The following IRX3 variants were observed in gnomAD, a reference collection of about 807,000 sequenced individuals.
IRX3 encodes the protein iroquois homeobox 3.
In IRX3, 20 loss-of-function variants were observed where a neutral mutation model predicts 36.4. The observed-to-expected ratio is 0.55, with a 90% confidence interval of 0.39 to 0.80. The LOEUF (loss-of-function observed/expected upper bound fraction) is 0.80. IRX3 is among the 30% of genes least tolerant of loss of function. The pLI is 0.00. For synonymous variants in IRX3, 404 were observed against 351.6 expected (o/e 1.15, Z -1.67); for missense variants, 718 against 733.2 (o/e 0.98, Z 0.24).
At position 54,284,996 on chromosome 16, in the gene IRX3, A is replaced by C. The variant is rs1901285324; in HGVS notation, c.885T>G (p.Asp295Glu). 2 of 1,613,526 alleles carry C rather than the reference A, an allele frequency of 1.2e-6. No individual in the cohort carries two copies. The highest frequency in any genetic ancestry group is 2.2e-5 in the East Asian group (1 of 44,814). ...GCCGGTCCTCTAAGCCCTCAGAGCTATCTTCCGAGTCGCTATTTTTGGAGT... is the reference window on the plus strand; with the variant it reads ...GCCGGTCCTCTAAGCCCTCAGAGCTCTCTTCCGAGTCGCTATTTTTGGAGT... ...ISDSKNSDSE[D>E]SSEGLEDRPL... Residue 295 changes from aspartate (D) to glutamate (E), a missense_variant, in exon 2 of 4, where the codon GAT becomes GAG. Asp to Glu is a conservative substitution (Grantham distance 45, BLOSUM62 2). This residue lies in a region of IRX3 where 468 missense variants were observed against 462.1 expected (regional missense o/e 1.01). Coordinates refer to ENST00000329734, the MANE Select transcript of IRX3 (RefSeq NM_024336.3). This position sits in a 1 kb window ranked among gnomAD's most constrained non-coding sequence, Gnocchi z 4.0.
chr16:54,285,239 G>C lies in IRX3; in HGVS notation c.642C>G (p.Asp214Glu). ...TGCCGTCCTCCTCGTCCTCCTCTTC[G>C]TCTTCCTCCTCGCGCTCGCTCCCAT... ...NAYGSEREEEDEEEDEEDGKR... is the reference protein window; with the variant it reads ...NAYGSEREEEEEEEDEEDGKR... Residue 214 changes from aspartate (D) to glutamate (E), a missense_variant, in exon 2 of 4, where the codon GAC becomes GAG. By Grantham distance (45) the Asp-to-Glu change is conservative. This residue lies in a region of IRX3 where 468 missense variants were observed against 462.1 expected (regional missense o/e 1.01). Transcript: ENST00000329734. The surrounding 1 kb of genome is among the most constrained non-coding windows in gnomAD (Gnocchi z 5.7). 6.2e-7 allele frequency: 1 copy of C among 1,611,624 alleles called. No individual in the cohort carries two copies. The highest frequency in any genetic ancestry group is 8.5e-7 in the Non-Finnish European group (1 of 1,179,398).
rs1901260532 is a variant in IRX3 at position 54,284,453 on chromosome 16, C to T, written c.1384+44G>A. ...CCCTCCCGGCCAGCTCCGGCACTAC[C>T]CGCAGAGCCCGCCCCCGCTCCGCGC... On this transcript the variant is annotated intron_variant, in intron 2 of 3. Coordinates refer to ENST00000329734, the MANE Select transcript of IRX3 (RefSeq NM_024336.3). The surrounding 1 kb of genome is among the most constrained non-coding windows in gnomAD (Gnocchi z 4.0). The T allele has an allele frequency of 2.9e-6, 4 of 1,396,444 alleles. No homozygotes were observed. The highest frequency in any genetic ancestry group is 1.8e-6 in the Non-Finnish European group (2 of 1,084,524). 86.5% of individuals were successfully genotyped at this position (1,396,444 alleles called of 1,614,324 possible).
In IRX3 at chr16:54,284,739, G is replaced by A. The variant is rs1301993155; in HGVS notation, c.1142C>T (p.Ser381Phe). 2.1e-6 allele frequency: 3 copies of A among 1,454,796 alleles called. No homozygotes were observed. The African/African-American group carries it at 4.5e-5, about 22-fold the overall frequency. The allele number at this position is 1,454,796 out of a possible 1,614,324, so 90.1% of individuals were successfully genotyped here. ...GGCGGCCGGAGAGAGCTGCAGGGCG[G>A]AAGGCGCGACCGCTGCCCCCGGTGG... Reference protein sequence around the residue: ...GSPPGAAVAPSALQLSPAAAA... With the variant: ...GSPPGAAVAPFALQLSPAAAA... The change falls in exon 2 of 4, where the codon TCC becomes TTC. Residue 381 changes from serine (S) to phenylalanine (F), a missense_variant. Ser to Phe is a radical substitution (Grantham distance 155). This residue lies in a region of IRX3 where 468 missense variants were observed against 462.1 expected (regional missense o/e 1.01). Coordinates refer to ENST00000329734, the MANE Select transcript of IRX3 (RefSeq NM_024336.3). This position sits in a 1 kb window ranked among gnomAD's most constrained non-coding sequence, Gnocchi z 4.0.
chr16:54,284,566 G>T lies in IRX3; in HGVS notation c.1315C>A (p.Pro439Thr). 7.1e-7 allele frequency: 1 copy of T among 1,415,888 alleles called. No homozygotes were observed. The highest frequency in any genetic ancestry group is 9.1e-7 in the Non-Finnish European group (1 of 1,096,368). The allele number at this position is 1,415,888 out of a possible 1,614,324, so 87.7% of individuals were successfully genotyped here. A position where few individuals can be genotyped will look rare whatever the true frequency, so the allele number is the denominator to read the frequency against. The change falls in exon 2 of 4, where the codon CCC becomes ACC. Residue 439 changes from proline (P) to threonine (T), a missense_variant. Physicochemically the swap from Pro to Thr is conservative, Grantham distance 38. Transcript: ENST00000329734. The surrounding 1 kb of genome is among the most constrained non-coding windows in gnomAD (Gnocchi z 4.0). ...GSAPPHLLGL[P>T]GAAGHPAAAA... ...GCAGCCGGGTGGCCCGCGGCTCCGG[G>T]AAGTCCCAGCAGGTGCGGAGGGGCA...
At position 54,284,023 on chromosome 16, in the gene IRX3, G is replaced by A. The variant is rs1391977060; in HGVS notation, c.1451+223C>T. 1.4e-6 allele frequency: 2 copies of A among 1,394,612 alleles called. No individual in the cohort carries two copies. The highest frequency in any genetic ancestry group is 1.9e-6 in the Non-Finnish European group (2 of 1,062,298). The allele number at this position is 1,394,612 out of a possible 1,614,324, so 86.4% of individuals were successfully genotyped here. On this transcript the variant is annotated intron_variant, in intron 3 of 3. Transcript: ENST00000329734. This position sits in a 1 kb window ranked among gnomAD's most constrained non-coding sequence, Gnocchi z 4.0. ...GCAAGGCTTCCCCTAGAAGGTACAA[G>A]CGCTGTACCCTCCGGCCGCGCCTGG...
chr16:54,284,159 G>T lies in IRX3; in HGVS notation c.1451+87C>A. 1.5e-6 allele frequency: 2 copies of T among 1,357,740 alleles called. No individual in the cohort carries two copies. 84.1% of individuals were successfully genotyped at this position (1,357,740 alleles called of 1,614,324 possible). On this transcript the variant is annotated intron_variant, in intron 3 of 3. Coordinates refer to ENST00000329734, the MANE Select transcript of IRX3 (RefSeq NM_024336.3). This position sits in a 1 kb window ranked among gnomAD's most constrained non-coding sequence, Gnocchi z 4.0. ...TCCCAGCAGGGTTCCCCCCTACCCC[G>T]GGGCAAAAGGCCGTGCGTGGTGCTC...
chr16:54,285,840 GGGC>G lies in IRX3; in HGVS notation c.208_210del (p.Ala70del), dbSNP rs749687288. ...TAGGGCAGGAAGGCGCCGTAGCCTTGGGCGGCGGCGGCCGCAGCGGCCGCGGCG... is the reference window on the plus strand; with the variant it reads ...TAGGGCAGGAAGGCGCCGTAGCCTTGGGCGGCGGCCGCAGCGGCCGCGGCG... On this transcript the variant is annotated inframe_deletion, in exon 1 of 4. Coordinates refer to ENST00000329734, the MANE Select transcript of IRX3 (RefSeq NM_024336.3). This position sits in a 1 kb window ranked among gnomAD's most constrained non-coding sequence, Gnocchi z 5.7. The G allele has an allele frequency of 5.7e-5, 89 of 1,555,340 alleles. No homozygotes were observed. Among genetic ancestry groups the G allele is most frequent in the Non-Finnish European group, 7.5e-5 (86 of 1,154,326 alleles).
chr16:54,284,072 G>C lies in IRX3; in HGVS notation c.1451+174C>G, dbSNP rs1901247036. The C allele has an allele frequency of 8.6e-7, 1 of 1,157,694 alleles. No homozygotes were observed. 71.7% of individuals were successfully genotyped at this position (1,157,694 alleles called of 1,614,324 possible). On this transcript the variant is annotated intron_variant, in intron 3 of 3. Coordinates refer to ENST00000329734, the MANE Select transcript of IRX3 (RefSeq NM_024336.3). This position sits in a 1 kb window ranked among gnomAD's most constrained non-coding sequence, Gnocchi z 4.0. ...GGGGTGCCTGGGCTGGACCTGGAGA[G>C]CTGTCGCAGGGCCGACAGGGGCGAC...
Position 54,283,757 on chromosome 16 carries a change from G to C in IRX3, c.1452-17C>G. 6.2e-7 allele frequency: 1 copy of C among 1,611,026 alleles called. No individual in the cohort carries two copies. The highest frequency in any genetic ancestry group is 2.2e-5 in the East Asian group (1 of 44,866). On this transcript the variant is annotated splice_polypyrimidine_tract_variant and intron_variant, in intron 3 of 3. Transcript: ENST00000329734. This position sits in a 1 kb window ranked among gnomAD's most constrained non-coding sequence, Gnocchi z 4.4. ...TTCTGGGGCCTGGAAGAGAGAGACA[G>C]TAGTAGCAAAAGAGGTGAGATTCAG... is the stretch of plus-strand genomic sequence containing the variant.
In IRX3 at chr16:54,286,575, C is replaced by T. The variant is rs1248733738; in HGVS notation, c.-525G>A. 6 of 167,488 alleles carry T rather than the reference C, an allele frequency of 3.6e-5. No homozygotes were observed. The highest frequency in any genetic ancestry group is 6.5e-5 in the Admixed American group (1 of 15,300). The allele number at this position is 167,488 out of a possible 1,614,324, so 10.4% of individuals were successfully genotyped here. ...CTATGAAACTCTCCTTTCTCCTCTC[C>T]CCTTCTCTTTCCCTTTCTCACGAGG... On this transcript the variant is annotated 5_prime_UTR_variant, in exon 1 of 4. Transcript: ENST00000329734.
In IRX3 at chr16:54,286,186, C is replaced by G. The variant is rs1901336339; in HGVS notation, c.-136G>C. 9.6e-7 allele frequency: 1 copy of G among 1,036,832 alleles called. No homozygotes were observed. The highest frequency in any genetic ancestry group is 4.7e-4 in the Middle Eastern group (1 of 2,146). The allele number at this position is 1,036,832 out of a possible 1,614,324, so 64.2% of individuals were successfully genotyped here. ...GCTGCCGCCCGCGCTGCGCTGTGCTCCGCGTTCGCCTATTGATCTGCTCCG... is the reference window on the plus strand; with the variant it reads ...GCTGCCGCCCGCGCTGCGCTGTGCTGCGCGTTCGCCTATTGATCTGCTCCG... On this transcript the variant is annotated 5_prime_UTR_variant, in exon 1 of 4. Coordinates refer to ENST00000329734, the MANE Select transcript of IRX3 (RefSeq NM_024336.3).
rs748254948 is a variant in IRX3, at chr16:54,285,116, A to G, written c.765T>C (p.Asp255=). 8.1e-6 allele frequency: 13 copies of G among 1,612,926 alleles called. No homozygotes were observed. Among genetic ancestry groups the G allele is most frequent in the Non-Finnish European group, 1.1e-5 (13 of 1,179,796 alleles). The change falls in exon 2 of 4, where the codon GAT becomes GAC. Residue 255 remains aspartate (D), a synonymous_variant. Coordinates refer to ENST00000329734, the MANE Select transcript of IRX3 (RefSeq NM_024336.3). The surrounding 1 kb of genome is among the most constrained non-coding windows in gnomAD (Gnocchi z 5.7). ...TGGCCGCGCCGTCTAAGTTCTCCAA[A>G]TCGATCTCCTCGTCCTCGTCGTCGT... ...LADDDEDEEI[D]LENLDGAATE... is the part of the protein sequence containing the mutation.
Position 54,285,818 on chromosome 16 carries a change from G to T in IRX3, c.233C>A (p.Pro78His). ...AAAQGYGAFL[P>H]YAAELPIFPQ... ...GAAGATGGGCAGCTCCGCGGCGTAGGGCAGGAAGGCGCCGTAGCCTTGGGC... is the reference window on the plus strand; with the variant it reads ...GAAGATGGGCAGCTCCGCGGCGTAGTGCAGGAAGGCGCCGTAGCCTTGGGC... Residue 78 changes from proline to histidine, a missense_variant, in exon 1 of 4, where the codon CCC (proline) becomes CAC (histidine). Transcript: ENST00000329734. The surrounding 1 kb of genome is among the most constrained non-coding windows in gnomAD (Gnocchi z 5.7). 2 of 1,566,550 alleles carry T rather than the reference G, an allele frequency of 1.3e-6. No individual in the cohort carries two copies. Among genetic ancestry groups the T allele is most frequent in the African/African-American group, 2.7e-5 (2 of 73,030 alleles).
Position 54,285,388 on chromosome 16 carries a change from T to C in IRX3, c.493A>G (p.Ile165Val). The C allele has an allele frequency of 6.2e-7, 1 of 1,614,170 alleles. No individual in the cohort carries two copies. ...TGGGTGAGGGTCATCTTGGTGATGATGGCCAGCATGATCTTCTCGCCCTTG... is the reference window on the plus strand; with the variant it reads ...TGGGTGAGGGTCATCTTGGTGATGACGGCCAGCATGATCTTCTCGCCCTTG... ...PTKGEKIMLAIITKMTLTQVS... is the reference protein window; with the variant it reads ...PTKGEKIMLAVITKMTLTQVS... The change falls in exon 2 of 4, where the codon ATC (isoleucine) becomes GTC (valine). Residue 165 changes from isoleucine (I) to valine (V), a missense_variant. Around this residue, in one of 3 missense-constraint regions of IRX3, gnomAD observed 46 missense variants for 89.7 expected, o/e 0.51. Transcript: ENST00000329734. The surrounding 1 kb of genome is among the most constrained non-coding windows in gnomAD (Gnocchi z 5.7).
In IRX3 at chr16:54,284,451, A is replaced by G. The variant is rs573961039; in HGVS notation, c.1384+46T>C. The G allele has an allele frequency of 3.4e-4, 478 of 1,397,706 alleles. 1 individual carries two copies. The highest frequency in any genetic ancestry group is 3.9e-4 in the Non-Finnish European group (424 of 1,084,822). 86.6% of individuals were successfully genotyped at this position (1,397,706 alleles called of 1,614,324 possible). On this transcript the variant is annotated intron_variant, in intron 2 of 3. Coordinates refer to ENST00000329734, the MANE Select transcript of IRX3 (RefSeq NM_024336.3). This position sits in a 1 kb window ranked among gnomAD's most constrained non-coding sequence, Gnocchi z 4.0. ...GCCCCTCCCGGCCAGCTCCGGCACT[A>G]CCCGCAGAGCCCGCCCCCGCTCCGC...
chr16:54,285,584 G>C lies in IRX3; in HGVS notation c.297C>G (p.Pro99=), dbSNP rs1901310063. The change falls in exon 2 of 4, where the codon CCC becomes CCG. Residue 99 remains proline (P), a synonymous_variant. Coordinates refer to ENST00000329734, the MANE Select transcript of IRX3 (RefSeq NM_024336.3). This position sits in a 1 kb window ranked among gnomAD's most constrained non-coding sequence, Gnocchi z 5.7. ...CAGCCGCGGCCGGATGCTGCACCCC[G>C]GGGCTGTCCTTCAGCTCATACTGCG... ...LGAQYELKDS[P]GVQHPAAAAA... is the part of the protein sequence containing the mutation. The C allele has an allele frequency of 2.6e-6, 4 of 1,565,980 alleles. No homozygotes were observed. The East Asian group carries it at 9.4e-5, about 37-fold the overall frequency.
At position 54,284,099 on chromosome 16, in the gene IRX3, G is replaced by A; in HGVS notation, c.1451+147C>T. On this transcript the variant is annotated intron_variant, in intron 3 of 3. Coordinates refer to ENST00000329734, the MANE Select transcript of IRX3 (RefSeq NM_024336.3). This position sits in a 1 kb window ranked among gnomAD's most constrained non-coding sequence, Gnocchi z 4.0. Reference sequence around the variant, plus strand: ...TGTCGCAGGGCCGACAGGGGCGACTGAAAAAGTGACTTTCGTCCCCTTTTA... The same window carrying A: ...TGTCGCAGGGCCGACAGGGGCGACTAAAAAAGTGACTTTCGTCCCCTTTTA... 1 of 1,135,278 alleles carries A rather than the reference G, an allele frequency of 8.8e-7. No homozygotes were observed. The highest frequency in any genetic ancestry group is 1.2e-6 in the Non-Finnish European group (1 of 815,032). 70.3% of individuals were successfully genotyped at this position (1,135,278 alleles called of 1,614,324 possible).
Position 54,284,726 on chromosome 16 carries a change from G to A in IRX3, c.1155C>T (p.Leu385=). 1 of 1,446,696 alleles carries A rather than the reference G, an allele frequency of 6.9e-7. No homozygotes were observed. The allele number at this position is 1,446,696 out of a possible 1,614,324, so 89.6% of individuals were successfully genotyped here. The change falls in exon 2 of 4, where the codon CTC becomes CTT. Residue 385 remains leucine (L), a synonymous_variant. Coordinates refer to ENST00000329734, the MANE Select transcript of IRX3 (RefSeq NM_024336.3). This position sits in a 1 kb window ranked among gnomAD's most constrained non-coding sequence, Gnocchi z 4.0. ...CGGCGGCGGCGGCGGCGGCCGGAGA[G>A]AGCTGCAGGGCGGAAGGCGCGACCG... ...GAAVAPSALQ[L]SPAAAAAAAH... is the part of the protein sequence containing the mutation.
chr16:54,284,896 CG>C lies in IRX3; in HGVS notation c.984del (p.Val329Ter). ...AVASPSLPSP[P>X]VSLDPCAPAP... ...GCGGGAGCGCAGGGGTCCAGGCTCA[CG>C]GGGGGCGACGGCAGAGACGGCGAGG... On this transcript the variant is annotated frameshift_variant, in exon 2 of 4. Coordinates refer to ENST00000329734, the MANE Select transcript of IRX3 (RefSeq NM_024336.3). LOFTEE classifies it high-confidence loss of function. This position sits in a 1 kb window ranked among gnomAD's most constrained non-coding sequence, Gnocchi z 4.0. 1.3e-6 allele frequency: 2 copies of C among 1,572,392 alleles called. No individual in the cohort carries two copies. The highest frequency in any genetic ancestry group is 1.9e-5 in the Admixed American group (1 of 53,092).
Sources: gnomAD v4.1 joint callset for allele counts on GRCh38, gnomAD v4.1.1 for gene constraint, gnomAD v4.1.1 regional missense constraint, Gnocchi (gnomAD v3.1) non-coding constraint, MANE v1.5 for transcripts, NCBI Gene and HGNC (gene_info 2026-07-23, HGNC 2026-07-21) for gene names.